LRRTM4: variants seen among roughly 807,000 people sequenced by gnomAD.
LRRTM4 encodes leucine-rich repeat transmembrane neuronal protein 4.
In LRRTM4, 25 loss-of-function variants were observed where a neutral mutation model predicts 47.6. The ratio of observed to expected loss-of-function variants is 0.53; its 90% CI spans 0.38 to 0.73. The LOEUF (loss-of-function observed/expected upper bound fraction) is 0.73, where lower values mean the gene tolerates loss of function less well. Among genes scored for constraint, LRRTM4 ranks in the 30% least tolerant of loss-of-function variants. LRRTM4 has a pLI of 0.00. For synonymous variants in LRRTM4, 311 were observed against 269.5 expected, an observed-to-expected ratio of 1.15 and a Z score of -1.51; for missense variants, 638 against 713.4, an observed-to-expected ratio of 0.89 and a Z score of 1.20.
chr2:77,113,408 C>A (rs563718129), intron 3 of LRRTM4, among the ~76,000 whole-genome samples: 7 of 152,100 alleles, frequency 4.6e-5, no homozygotes, highest in African/African-American at 1.4e-4. Flanking sequence ...TAAGATTGAG[C>A]GGCGCATAGC....
At chr2:77,067,646 A>T (rs972775710) in intron 3 of LRRTM4, among the ~76,000 whole-genome samples, 1 of 151,870 alleles carries the variant, frequency 6.6e-6, no homozygotes, top group Non-Finnish European at 1.5e-5. Flanking sequence ...TATGAAAAAC[A>T]TAAAAAGAAG....
intron 3 of LRRTM4, among the ~76,000 whole-genome samples, chr2:76,782,133 G>A (rs114856726): frequency 2.6e-5 from 4 of 152,082 alleles, no homozygotes; most frequent in Non-Finnish European, 4.4e-5. Flanking sequence ...TCTTGCACCC[G>A]CATAAAAGCT....
chr2:77,204,616 C>G (rs1674069353), intron 3 of LRRTM4, among the ~76,000 whole-genome samples: 1 of 152,130 alleles, frequency 6.6e-6, no homozygotes, highest in South Asian at 2.1e-4. Flanking sequence ...TATCTTGAGT[C>G]AAGCATTCCA....
intron 3 of LRRTM4, among the ~76,000 whole-genome samples, chr2:76,796,037 T>A (rs2103741829): frequency 8.5e-6 from 1 of 118,332 alleles, no homozygotes; most frequent in Middle Eastern, 4.3e-3. Context: ...CCTTTCTGAG[T>A]CAAAGAAAGG....
At chr2:77,107,818 C>CAAAAAAAAAAAAAAAAAAAAA (rs768875970) in intron 3 of LRRTM4, among the ~76,000 whole-genome samples, 1 of 57,902 alleles carries the variant, frequency 1.7e-5, no homozygotes, top group Admixed American at 2.1e-4. Flanking sequence ...AAATCCAACT[C>CAAAAAAAAAAAAAAAAAAAAA]AAAAAAAAAA....
chr2:76,800,610 A>C lies in LRRTM4; in HGVS notation c.1552-51694T>G, dbSNP rs367984077. Among the ~76,000 whole-genome samples, 292 of 139,284 alleles carry C rather than the reference A, an allele frequency of 2.1e-3. 2 individuals are homozygous for C. Among genetic ancestry groups the C allele is most frequent in the Middle Eastern group, 7.2e-3 (2 of 278 alleles). The allele number at this position is 139,284 out of a possible 152,430, so 91.4% of individuals were successfully genotyped here. ...AAGCCAAAATTGACAAATGGGATCT[A>C]ATTAAACTAAAGAGCTTCTGCACAG... is the stretch of plus-strand genomic sequence containing the variant. On this transcript the variant is annotated intron_variant, in intron 3 of 3. Transcript: ENST00000409884.
intron 3 of LRRTM4, among the ~76,000 whole-genome samples, chr2:76,887,504 C>A (rs1488408571): frequency 7.0e-6 from 1 of 142,242 alleles, no homozygotes; most frequent in African/African-American, 2.6e-5. Context: ...TTTATATATA[C>A]ACATATATAT....
intron 3 of LRRTM4, among the ~76,000 whole-genome samples, chr2:77,030,832 G>T (rs1315269114): frequency 6.6e-6 from 1 of 152,090 alleles, no homozygotes; most frequent in Non-Finnish European, 1.5e-5. Flanking sequence ...CACAAAATTT[G>T]TATCAACATG....
chr2:77,403,181 GA>G (rs975437266), intron 3 of LRRTM4, among the ~76,000 whole-genome samples: 1 of 151,778 alleles, frequency 6.6e-6, no homozygotes, highest in African/African-American at 2.4e-5. Flanking sequence ...ATCTGACTGG[GA>G]AAAAAACTCT....
At chr2:77,198,352 T>A (rs773094496) in intron 3 of LRRTM4, among the ~76,000 whole-genome samples, 4 of 152,190 alleles carry the variant, frequency 2.6e-5, no homozygotes, top group Non-Finnish European at 4.4e-5. Context: ...TTTCTCATTG[T>A]GTCAAAGGAA....
At chr2:77,050,850 G>C (rs1220269045) in intron 3 of LRRTM4, among the ~76,000 whole-genome samples, 1 of 152,050 alleles carries the variant, frequency 6.6e-6, no homozygotes. Context: ...TTATCAGCCA[G>C]AGTAAGAACT....
At chr2:76,913,124 T>A (rs1421871265) in intron 3 of LRRTM4, among the ~76,000 whole-genome samples, 1 of 152,224 alleles carries the variant, frequency 6.6e-6, no homozygotes, top group Non-Finnish European at 1.5e-5. Flanking sequence ...CTGCTATTCA[T>A]ATTGAATATA....
intron 3 of LRRTM4, among the ~76,000 whole-genome samples, chr2:77,379,293 C>T (rs1438613018): frequency 6.6e-6 from 1 of 151,928 alleles, no homozygotes; most frequent in Non-Finnish European, 1.5e-5. Flanking sequence ...ATTTTTTCCC[C>T]CGCTATCTTT....
intron 3 of LRRTM4, among the ~76,000 whole-genome samples, chr2:76,785,829 A>C (rs1231841551): frequency 6.6e-6 from 1 of 152,148 alleles, no homozygotes; most frequent in Non-Finnish European, 1.5e-5. Flanking sequence ...ATTTATAAAG[A>C]TGGGTATTTT....
intron 3 of LRRTM4, among the ~76,000 whole-genome samples, chr2:77,006,109 C>T (rs760982673): frequency 4.4e-4 from 67 of 152,078 alleles, no homozygotes; most frequent in Non-Finnish European, 7.9e-4. Flanking sequence ...AATATTTTCT[C>T]ACATATGATT....
chr2:77,042,855 T>A (rs1348547048), intron 3 of LRRTM4, among the ~76,000 whole-genome samples: 3 of 151,716 alleles, frequency 2.0e-5, no homozygotes, highest in Admixed American at 1.3e-4. Context: ...CCACTCTTCT[T>A]AGACAAAGTC....
chr2:77,473,491 T>C (rs1365887139), intron 3 of LRRTM4, among the ~76,000 whole-genome samples: 1 of 152,050 alleles, frequency 6.6e-6, no homozygotes, highest in Non-Finnish European at 1.5e-5. Context: ...TATTAGCCTT[T>C]TTTTCCCCCT....
intron 3 of LRRTM4, among the ~76,000 whole-genome samples, chr2:77,259,311 G>T (rs1237745880): frequency 1.3e-5 from 2 of 151,978 alleles, no homozygotes; most frequent in African/African-American, 4.8e-5. Flanking sequence ...CAATAATACT[G>T]TCCTTAAAAA....
At chr2:77,477,075 A>C (rs2104005437) in intron 3 of LRRTM4, among the ~76,000 whole-genome samples, 1 of 152,054 alleles carries the variant, frequency 6.6e-6, no homozygotes, top group South Asian at 2.1e-4. Flanking sequence ...GAAATAGAAA[A>C]ATAAAAGGAG....
Sources: allele counts gnomAD v4.1 joint callset (sites outside exome capture counted in the v4.1 genomes callset), GRCh38; gene constraint gnomAD v4.1.1; transcripts MANE v1.5; gene names NCBI Gene and HGNC (gene_info 2026-07-23, HGNC 2026-07-21).